Variants in BAZ1A observed in about 807,000 individuals in gnomAD.
BAZ1A encodes the protein bromodomain adjacent to zinc finger domain 1A, also known as bromodomain adjacent to zinc finger domain protein 1A.
In BAZ1A, 50 loss-of-function variants were observed where a neutral mutation model predicts 185.2. The ratio of observed to expected loss-of-function variants is 0.27; its 90% CI spans 0.22 to 0.34. The LOEUF (loss-of-function observed/expected upper bound fraction) is 0.34, where lower values mean the gene tolerates loss of function less well. BAZ1A is among the 10% of genes least tolerant of loss of function. The pLI is 1.00. For synonymous variants in BAZ1A, 571 were observed against 615.6 expected (o/e 0.93, Z 1.07); for missense variants, 1,356 against 1,839.9 (o/e 0.74, Z 4.81).
chr14:34,795,831 T>C, intron 9 of BAZ1A, 66 bp from the exon 10 acceptor site: 4 of 1,223,842 alleles, frequency 3.3e-6, no homozygotes, highest in Non-Finnish European at 4.7e-6. Context: ...CGGCATCTCC[T>C]GAGAACTTGT....
chr14:34,861,909 G>C, intron 3 of BAZ1A, 135 bp downstream of exon 3: 1 of 983,290 alleles, frequency 1.0e-6, no homozygotes, highest in Non-Finnish European at 1.5e-6. Context: ...GCTAACACCG[G>C]GGCTATCTGT....
At chr14:34,846,482 C>T (rs558814733) in intron 3 of BAZ1A, among the ~76,000 whole-genome samples, 1 of 152,180 alleles carries the variant, frequency 6.6e-6, no homozygotes, top group East Asian at 1.9e-4. Flanking sequence ...TATGGTAAGT[C>T]TAAACTTCAT....
chr14:34,774,506 A>T lies in BAZ1A; in HGVS notation c.2834-16T>A. 2.6e-6 allele frequency: 4 copies of T among 1,535,216 alleles called. No homozygotes were observed. The highest frequency in any genetic ancestry group is 3.5e-6 in the Non-Finnish European group (4 of 1,142,160). On this transcript the variant is annotated splice_polypyrimidine_tract_variant and intron_variant, in intron 18 of 26. Coordinates refer to ENST00000360310, the MANE Select transcript of BAZ1A (RefSeq NM_013448.3). ...TGAGGTTTGTCTGAAATAGTAATCAAATACTTTTATTATGATTTTCTTATT... is the reference window on the plus strand; with the variant it reads ...TGAGGTTTGTCTGAAATAGTAATCATATACTTTTATTATGATTTTCTTATT...
At chr14:34,813,122 C>G (rs1329640356) in intron 4 of BAZ1A, among the ~76,000 whole-genome samples, 1 of 152,100 alleles carries the variant, frequency 6.6e-6, no homozygotes, top group Non-Finnish European at 1.5e-5. Flanking sequence ...ATGGCTCACA[C>G]CTGTAATTGC....
rs768776081 is a variant in BAZ1A at position 34,765,261 on chromosome 14, A to C, written c.3309T>G (p.Ser1103Arg). 7 of 1,611,924 alleles carry C rather than the reference A, an allele frequency of 4.3e-6. No individual in the cohort carries two copies. The highest frequency in any genetic ancestry group is 5.9e-6 in the Non-Finnish European group (7 of 1,179,042). ...CTGTTTTATAAGAACGCCCACTGTC[A>C]CTGGCATCTTAAATGAAAAGGGAAA... ...RRFLKAPLDA[S>R]DSGRSYKTVL... is the part of the protein sequence containing the mutation. The change falls in exon 22 of 27, where the codon AGT becomes AGG. Residue 1103 changes from serine to arginine, a missense_variant. Physicochemically the swap from Ser to Arg is moderately radical, Grantham distance 110. This residue lies in a region of BAZ1A where 434 missense variants were observed against 561.7 expected (regional missense o/e 0.77). Transcript: ENST00000360310.
intron 12 of BAZ1A, among the ~76,000 whole-genome samples, chr14:34,790,112 G>C (rs936583521): frequency 6.6e-6 from 1 of 151,670 alleles, no homozygotes; most frequent in Admixed American, 6.6e-5. Flanking sequence ...AGTGAGAAAA[G>C]AGTGAAAAAT....
chr14:34,845,563 T>A (rs1244503331), intron 3 of BAZ1A, among the ~76,000 whole-genome samples: 1 of 152,156 alleles, frequency 6.6e-6, no homozygotes, highest in Admixed American at 6.5e-5. Flanking sequence ...AGTTTTTTAT[T>A]AAAAACTGGG....
At position 34,874,797 on chromosome 14, in the gene BAZ1A, T is replaced by C; in HGVS notation, c.-58-135A>G. 2.0e-6 allele frequency: 1 copy of C among 502,564 alleles called. No homozygotes were observed. Among genetic ancestry groups the C allele is most frequent in the Non-Finnish European group, 3.5e-6 (1 of 287,896 alleles). 31.1% of individuals were successfully genotyped at this position (502,564 alleles called of 1,614,324 possible). A position where few individuals can be genotyped will look rare whatever the true frequency, so the allele number is the denominator to read the frequency against. ...CGCCGCGGCCGCTACCGGAGCCGAG[T>C]TCGTTCCTGCCGCTGCCCGGGTGTC... On this transcript the variant is annotated intron_variant, in intron 1 of 26. Coordinates refer to ENST00000360310, the MANE Select transcript of BAZ1A (RefSeq NM_013448.3). The surrounding 1 kb of genome is among the most constrained non-coding windows in gnomAD (Gnocchi z 4.7).
intron 17 of BAZ1A, among the ~76,000 whole-genome samples, chr14:34,779,044 G>A (rs186112121): frequency 3.3e-5 from 5 of 152,136 alleles, no homozygotes; most frequent in East Asian, 3.9e-4. Context: ...TTTTTGTGGC[G>A]ATGGGGTTTC....
At chr14:34,785,358 T>C (rs1249275768) in intron 14 of BAZ1A, among the ~76,000 whole-genome samples, 2 of 152,218 alleles carry the variant, frequency 1.3e-5, no homozygotes, top group Admixed American at 6.5e-5. Context: ...TAAATTAAAC[T>C]CTTTACTTGT....
intron 4 of BAZ1A, among the ~76,000 whole-genome samples, chr14:34,820,497 T>C (rs1277188349): frequency 6.6e-6 from 1 of 152,232 alleles, no homozygotes; most frequent in Admixed American, 6.5e-5. Context: ...CTTCATCAGA[T>C]TATCTTTTGC....
chr14:34,865,368 A>G (rs2042840719), intron 2 of BAZ1A, among the ~76,000 whole-genome samples: 1 of 152,158 alleles, frequency 6.6e-6, no homozygotes, highest in South Asian at 2.1e-4. Flanking sequence ...CTACTTTTCT[A>G]TATGTAACCA....
At chr14:34,796,545 T>C (rs1285474983) in intron 9 of BAZ1A, among the ~76,000 whole-genome samples, 2 of 152,196 alleles carry the variant, frequency 1.3e-5, no homozygotes, top group Non-Finnish European at 2.9e-5. Flanking sequence ...TTAGAATAGA[T>C]GGACTTATTT....
intron 17 of BAZ1A, among the ~76,000 whole-genome samples, chr14:34,778,157 T>G (rs563613124): frequency 2.6e-4 from 40 of 152,282 alleles, no homozygotes; most frequent in Admixed American, 2.1e-3. Context: ...ATGAAAAACT[T>G]TTGTTCAAAG....
At chr14:34,818,820 C>A (rs1311595990) in intron 4 of BAZ1A, among the ~76,000 whole-genome samples, 2 of 151,896 alleles carry the variant, frequency 1.3e-5, no homozygotes, top group Non-Finnish European at 2.9e-5. Context: ...AAATTGTATG[C>A]TGAGGTTGCT....
intron 16 of BAZ1A, among the ~76,000 whole-genome samples, chr14:34,782,176 C>T (rs1396917099): frequency 1.3e-5 from 2 of 152,196 alleles, no homozygotes; most frequent in Non-Finnish European, 2.9e-5. Flanking sequence ...GCATCATTTA[C>T]ATTCCCACAA....
At chr14:34,760,526 G>A (rs1301674758) in intron 24 of BAZ1A, among the ~76,000 whole-genome samples, 1 of 128,052 alleles carries the variant, frequency 7.8e-6, no homozygotes, top group African/African-American at 2.9e-5. Context: ...CATTTTTTAT[G>A]TTTAGCTTCA....
chr14:34,860,847 G>A (rs967044327), intron 3 of BAZ1A, among the ~76,000 whole-genome samples: 6 of 151,912 alleles, frequency 3.9e-5, no homozygotes, highest in Admixed American at 2.6e-4. Context: ...ACAGTGAACC[G>A]AGATCTTGCC....
intron 6 of BAZ1A, among the ~76,000 whole-genome samples, chr14:34,805,674 A>C (rs1435369158): frequency 6.6e-6 from 1 of 152,224 alleles, no homozygotes; most frequent in African/African-American, 2.4e-5. Context: ...CAGATACATA[A>C]ATATGCTCAC....
Sources: gnomAD v4.1 joint callset for allele counts (sites outside exome capture counted in the v4.1 genomes callset) on GRCh38, gnomAD v4.1.1 for gene constraint, gnomAD v4.1.1 regional missense constraint, Gnocchi (gnomAD v3.1) non-coding constraint, MANE v1.5 for transcripts, NCBI Gene and HGNC (gene_info 2026-07-23, HGNC 2026-07-21) for gene names.